The following RNF213 variants were observed in gnomAD, a reference collection of about 807,000 sequenced individuals.
RNF213 encodes the protein ring finger protein 213, also known as E3 ubiquitin-protein ligase RNF213.
In RNF213, 341 loss-of-function variants were observed where a neutral mutation model predicts 514.4. The ratio of observed to expected loss-of-function variants is 0.66; its 90% CI spans 0.61 to 0.73. The LOEUF (loss-of-function observed/expected upper bound fraction) is 0.73, where lower values mean the gene tolerates loss of function less well. Ranked by LOEUF, RNF213 falls within the 30% of genes least tolerant of loss-of-function variation. RNF213 has a pLI of 0.00. For missense variants in RNF213, 5,767 were observed against 6,615.6 expected, an observed-to-expected ratio of 0.87 and a Z score of 4.45; for synonymous variants, 2,655 against 2,658.2, an observed-to-expected ratio of 1.00 and a Z score of 0.04.
rs1487547890 is a variant in RNF213, at chr17:80,360,217, C to T, written c.11200+11C>T. The T allele has an allele frequency of 5.6e-6, 9 of 1,609,542 alleles. No homozygotes were observed. The Admixed American group carries it at 1.0e-4, about 18-fold the overall frequency. ...TCACAGACGCAGAAGGTGAGGCTACCTCAAGACAGGTCAGATTCAGCACAG... is the reference window on the plus strand; with the variant it reads ...TCACAGACGCAGAAGGTGAGGCTACTTCAAGACAGGTCAGATTCAGCACAG... On this transcript the variant is annotated intron_variant, in intron 38 of 67. Coordinates refer to ENST00000582970, the MANE Select transcript of RNF213 (RefSeq NM_001256071.3).
At chr17:80,360,034 T>C in intron 37 of RNF213, 27 bp from the exon 38 acceptor site, 1 of 1,613,250 alleles carries the variant, frequency 6.2e-7, no homozygotes, top group African/African-American at 1.3e-5. Flanking sequence ...ACAAACCCTC[T>C]TCTTATCATC....
chr17:80,318,220 A>G (rs114066952), intron 16 of RNF213, among the ~76,000 whole-genome samples: 4,859 of 152,278 alleles, frequency 0.032, 272 homozygotes, highest in African/African-American at 0.11. Flanking sequence ...GGAAAAAGCA[A>G]CATTCTATTG....
In RNF213 at chr17:80,361,052, T is replaced by C. The variant is rs77437144; in HGVS notation, c.11201-682T>C. ...CCCCAGCCCCTGAAGAGCAGCCCAC[T>C]TGTTCCTAATTTACTTGGACCCGGG... On this transcript the variant is annotated intron_variant, in intron 38 of 67. Transcript: ENST00000582970. Among the ~76,000 whole-genome samples, 75 of 152,300 alleles carry C rather than the reference T, an allele frequency of 4.9e-4. 1 individual carries two copies. In the East Asian group the frequency reaches 0.014, roughly 28 times the overall value.
chr17:80,346,241 G>T lies in RNF213; in HGVS notation c.7906G>T (p.Val2636Phe). 1.2e-6 allele frequency: 2 copies of T among 1,614,200 alleles called. No homozygotes were observed. The highest frequency in any genetic ancestry group is 1.7e-6 in the Non-Finnish European group (2 of 1,180,034). Reference protein sequence around the residue: ...MRKTEDECSFVSLRDVERCVK... With the variant: ...MRKTEDECSFFSLRDVERCVK... ...GAAAACAGAAGATGAGTGCAGCTTTGTCAGCCTCAGGGACGTGGAGCGCTG... is the reference window on the plus strand; with the variant it reads ...GAAAACAGAAGATGAGTGCAGCTTTTTCAGCCTCAGGGACGTGGAGCGCTG... The change falls in exon 29 of 68, where the codon GTC becomes TTC. Residue 2636 changes from valine to phenylalanine, a missense_variant. Val to Phe is a conservative substitution (Grantham distance 50). Coordinates refer to ENST00000582970, the MANE Select transcript of RNF213 (RefSeq NM_001256071.3). This position sits in a 1 kb window ranked among gnomAD's most constrained non-coding sequence, Gnocchi z 8.1.
At chr17:80,379,125 C>G (rs747561880) in intron 54 of RNF213, among the ~76,000 whole-genome samples, 1 of 151,534 alleles carries the variant, frequency 6.6e-6, no homozygotes, top group Non-Finnish European at 1.5e-5. Flanking sequence ...CTGGGGAGGT[C>G]AAGGCTGTAG....
chr17:80,337,799 C>A lies in RNF213; in HGVS notation c.4669-34C>A, dbSNP rs1476717102. The A allele has an allele frequency of 5.9e-6, 9 of 1,536,362 alleles. No homozygotes were observed. In the East Asian group the frequency reaches 1.7e-4, roughly 29 times the overall value. Reference sequence around the variant, plus strand: ...GCTGCCAGTCCAGGTCTTCTGGCCCCAAGAAAGTGACTTCTAACCTATGCT... The same window carrying A: ...GCTGCCAGTCCAGGTCTTCTGGCCCAAAGAAAGTGACTTCTAACCTATGCT... On this transcript the variant is annotated intron_variant, in intron 24 of 67. Transcript: ENST00000582970.
At chr17:80,376,250 T>G (rs755612784) in intron 51 of RNF213, 51 bp from the exon 52 acceptor site, 1 of 1,605,418 alleles carries the variant, frequency 6.2e-7, no homozygotes, top group South Asian at 1.1e-5. Context: ...CTAAGAGCAA[T>G]TCACACAATA....
At position 80,386,807 on chromosome 17, in the gene RNF213, G is replaced by A. The variant is rs775316017; in HGVS notation, c.14838G>A (p.Glu4946=). 6.2e-7 allele frequency: 1 copy of A among 1,614,236 alleles called. No homozygotes were observed. The part of the protein sequence containing the change: ...NCQYQVEEGR[E]TVQEFDLEKI... ...AGTACCAGGTGGAGGAGGGCAGAGA[G>A]ACCGTGCAGGAGTTCGATCTGGAGA... Residue 4946 remains glutamate, a synonymous_variant, in exon 63 of 68, where the codon GAG becomes GAA. Transcript: ENST00000582970.
chr17:80,298,796 C>T, intron 11 of RNF213: 3 of 292,086 alleles, frequency 1.0e-5, no homozygotes, highest in Non-Finnish European at 1.3e-5. Context: ...GAAAACCCGT[C>T]TGTACGAAAA....
At chr17:80,374,434 C>T (rs1357577844) in intron 49 of RNF213, 24 bp from the exon 50 acceptor site, 4 of 1,613,864 alleles carry the variant, frequency 2.5e-6, no homozygotes, top group Non-Finnish European at 2.5e-6. Flanking sequence ...CATTGTTCAC[C>T]CCCAACTAAC....
rs781161219 is a variant in RNF213 at position 80,273,421 on chromosome 17, G to A, written c.261+17G>A. 18 of 1,610,856 alleles carry A rather than the reference G, an allele frequency of 1.1e-5. No individual in the cohort carries two copies. The highest frequency in any genetic ancestry group is 5.0e-5 in the Admixed American group (3 of 59,942). The stretch of plus-strand genomic sequence containing the variant: ...GTCCAAGAAGTGAGTGCACTGCCTC[G>A]GCTCCCCTCCGCCCCCGCTCACTCT... On this transcript the variant is annotated intron_variant, in intron 3 of 67. Transcript: ENST00000582970.
rs756465039 is a variant in RNF213, at chr17:80,294,943, G to A, written c.1695G>A (p.Gln565=). 1.8e-5 allele frequency: 29 copies of A among 1,614,070 alleles called. No homozygotes were observed. Among genetic ancestry groups the A allele is most frequent in the Non-Finnish European group, 2.4e-5 (28 of 1,180,050 alleles). The change falls in exon 9 of 68, where the codon CAG becomes CAA. Residue 565 remains glutamine (Q), a synonymous_variant. Transcript: ENST00000582970. ...QFEQFCFVLQ[Q]PMIYEGQAQL... ...AGCAGTTTTGCTTTGTCCTGCAACA[G>A]CCTATGATTTATGAAGGACAGGCAC...
At chr17:80,388,430 C>G (rs139739751) in intron 63 of RNF213, 182 bp from the exon 64 acceptor site, 187 of 632,358 alleles carry the variant, frequency 3.0e-4, no homozygotes, top group Admixed American at 5.3e-4. Context: ...GCTGGATTCC[C>G]GGTTGTGTTA....
chr17:80,291,889 A>G, intron 8 of RNF213, 62 bp downstream of exon 8: 1 of 1,556,832 alleles, frequency 6.4e-7, no homozygotes. Context: ...ATCCCGCGGT[A>G]CTGGACGCGT....
In RNF213 at chr17:80,389,845, G is replaced by A. The variant is rs779934227; in HGVS notation, c.15213G>A (p.Gln5071=). The change falls in exon 66 of 68, where the codon CAG becomes CAA. Residue 5071 remains glutamine, a synonymous_variant. Coordinates refer to ENST00000582970, the MANE Select transcript of RNF213 (RefSeq NM_001256071.3). ...IHVLKALNRC[Q]LKHTIALWQF... ...TTCTGCAGGCCTTAAACAGATGCCA[G>A]TTAAAACACACCATTGCCCTCTGGC... The A allele has an allele frequency of 2.2e-5, 36 of 1,613,970 alleles. No homozygotes were observed. Among genetic ancestry groups the A allele is most frequent in the Non-Finnish European group, 3.0e-5 (35 of 1,180,036 alleles).
Position 80,363,625 on chromosome 17 carries a change from C to T in RNF213, c.11585C>T (p.Ala3862Val), listed in dbSNP as rs751792603. Residue 3862 changes from alanine to valine, a missense_variant, in exon 41 of 68, where the codon GCC becomes GTC. Ala to Val is a moderately conservative substitution (Grantham distance 64). Around this residue, in one of 13 missense-constraint regions of RNF213, gnomAD observed 355 missense variants for 358.0 expected, o/e 0.99. Transcript: ENST00000582970. ...TCTCCCCAGACCCTGGACGCATTTG[C>T]CGCAATGGCCTGCACGGAGATGCTG... ...AGCEMTLDAF[A>V]AMACTEMLTR... 1.9e-6 allele frequency: 3 copies of T among 1,613,774 alleles called. No homozygotes were observed. The highest frequency in any genetic ancestry group is 2.5e-6 in the Non-Finnish European group (3 of 1,180,050).
intron 2 of RNF213, among the ~76,000 whole-genome samples, chr17:80,266,121 T>G (rs2043602433): frequency 6.6e-6 from 1 of 151,848 alleles, no homozygotes; most frequent in Non-Finnish European, 1.5e-5. Flanking sequence ...TGAGTCTTTG[T>G]TTGGTTGGCT....
chr17:80,344,423 C>T (rs2077594273), intron 28 of RNF213, among the ~76,000 whole-genome samples: 1 of 152,166 alleles, frequency 6.6e-6, no homozygotes. Flanking sequence ...ACATGTATAG[C>T]TTAGTGGAGA....
rs2080693589 is a variant in RNF213, at chr17:80,397,816, A to C, written c.*4318A>C. 1 of 150,064 alleles carries C rather than the reference A, an allele frequency of 6.7e-6. No individual in the cohort carries two copies. The highest frequency in any genetic ancestry group is 1.5e-5 in the Non-Finnish European group (1 of 67,740). 9.3% of individuals were successfully genotyped at this position (150,064 alleles called of 1,614,324 possible). A position where few individuals can be genotyped will look rare whatever the true frequency, so the allele number is the denominator to read the frequency against. ...TCCCTGACCAGGAATCTAGGTGATT[A>C]ATGGATGGTTGAGGCAGCCCCTCAG... On this transcript the variant is annotated 3_prime_UTR_variant, in exon 68 of 68. Transcript: ENST00000582970.
Sources: gnomAD v4.1 joint callset for allele counts (sites outside exome capture counted in the v4.1 genomes callset) on GRCh38, gnomAD v4.1.1 for gene constraint, gnomAD v4.1.1 regional missense constraint, Gnocchi (gnomAD v3.1) non-coding constraint, MANE v1.5 for transcripts, NCBI Gene and HGNC (gene_info 2026-07-23, HGNC 2026-07-21) for gene names.